Variants in ALKBH3 observed in about 807,000 individuals in gnomAD.
ALKBH3 encodes alpha-ketoglutarate-dependent dioxygenase alkB homolog 3.
In ALKBH3, 51 loss-of-function variants were observed where a neutral mutation model predicts 43.9. That is an observed-to-expected ratio of 1.16 (90% CI 0.93 to 1.47). The LOEUF (loss-of-function observed/expected upper bound fraction) is 1.47, where lower values mean the gene tolerates loss of function less well. ALKBH3 is among the 40% of genes most tolerant of loss of function. The probability of loss-of-function intolerance (pLI) is 0.00; values close to 1 mark genes in which losing one functional copy is unlikely to be tolerated. For synonymous variants in ALKBH3, 102 were observed against 115.2 expected (o/e 0.89, Z 0.73); for missense variants, 361 against 351.9 (o/e 1.03, Z -0.21).
chr11:43,903,572 G>A (rs944869464), intron 8 of ALKBH3, among the ~76,000 whole-genome samples: 5 of 152,062 alleles, frequency 3.3e-5, no homozygotes, highest in South Asian at 2.1e-4. Flanking sequence ...CTAGCACTGC[G>A]CCTTCCTCCT....
intron 5 of ALKBH3, among the ~76,000 whole-genome samples, chr11:43,888,824 A>G (rs1234976467): frequency 3.3e-5 from 5 of 152,250 alleles, no homozygotes; most frequent in African/African-American, 9.6e-5. Flanking sequence ...TTCAGAAGGT[A>G]TCTTAAGAAA....
intron 8 of ALKBH3, among the ~76,000 whole-genome samples, chr11:43,907,544 A>G (rs139858808): frequency 1.1e-3 from 162 of 152,270 alleles, no homozygotes; most frequent in African/African-American, 3.9e-3. Flanking sequence ...ACTTTGCCCC[A>G]GTGGTAGAGG....
intron 9 of ALKBH3, 47 bp from the exon 10 acceptor site, chr11:43,919,871 G>T: frequency 6.6e-7 from 1 of 1,519,756 alleles, no homozygotes; most frequent in Non-Finnish European, 9.1e-7. Context: ...TGAACTAAAA[G>T]TGTGTATGTG....
chr11:43,914,110 A>G (rs1361642051), intron 8 of ALKBH3, among the ~76,000 whole-genome samples: 1 of 152,196 alleles, frequency 6.6e-6, no homozygotes, highest in Non-Finnish European at 1.5e-5. Flanking sequence ...CCCCTACAGT[A>G]TAGTCAGGGT....
At position 43,920,099 on chromosome 11, in the gene ALKBH3, A is replaced by G. The variant is rs1952015165; in HGVS notation, c.*89A>G. 3.3e-6 allele frequency: 4 copies of G among 1,227,222 alleles called. No individual in the cohort carries two copies. Among genetic ancestry groups the G allele is most frequent in the Non-Finnish European group, 4.7e-6 (4 of 848,714 alleles). 76.0% of individuals were successfully genotyped at this position (1,227,222 alleles called of 1,614,324 possible). A position where few individuals can be genotyped will look rare whatever the true frequency, so the allele number is the denominator to read the frequency against. Reference sequence around the variant, plus strand: ...CAAGAGGCTGGTGCTGCTAGATCTCATGATGTGGCTGTTGGGAAGATGGTG... The same window carrying G: ...CAAGAGGCTGGTGCTGCTAGATCTCGTGATGTGGCTGTTGGGAAGATGGTG... On this transcript the variant is annotated 3_prime_UTR_variant, in exon 10 of 10. Coordinates refer to ENST00000302708, the MANE Select transcript of ALKBH3 (RefSeq NM_139178.4).
At chr11:43,892,749 A>G (rs568684808) in intron 7 of ALKBH3, among the ~76,000 whole-genome samples, 1 of 152,364 alleles carries the variant, frequency 6.6e-6, no homozygotes, top group African/African-American at 2.4e-5. Flanking sequence ...GCCTTTGGCA[A>G]ATAATGTTAT....
chr11:43,895,133 G>A (rs553216413), intron 7 of ALKBH3, among the ~76,000 whole-genome samples: 33 of 152,266 alleles, frequency 2.2e-4, no homozygotes, highest in African/African-American at 7.9e-4. Flanking sequence ...TGACAACCAT[G>A]GGATATACTT....
intron 8 of ALKBH3, among the ~76,000 whole-genome samples, chr11:43,913,324 T>C (rs1951956315): frequency 6.6e-6 from 1 of 152,142 alleles, no homozygotes; most frequent in Non-Finnish European, 1.5e-5. Flanking sequence ...ACCCGATAGG[T>C]AGTTTTTCCG....
intron 8 of ALKBH3, among the ~76,000 whole-genome samples, chr11:43,901,941 T>C (rs1951866784): frequency 2.0e-5 from 3 of 152,226 alleles, no homozygotes; most frequent in Admixed American, 1.3e-4. Flanking sequence ...TGCCTTATGC[T>C]AGGTGCTGGC....
At chr11:43,912,123 AAAAC>A (rs879709428) in intron 8 of ALKBH3, 18 of 146,536 alleles carry the variant, frequency 1.2e-4, no homozygotes, top group Middle Eastern at 3.5e-3. Flanking sequence ...ACTCCTTCTC[AAAAC>A]AAACAAACAA....
In ALKBH3 at chr11:43,901,735, CTCTT is replaced by C. The variant is rs1264434156; in HGVS notation, c.669+12_669+15del. The C allele has an allele frequency of 3.7e-6, 6 of 1,613,554 alleles. No homozygotes were observed. The highest frequency in any genetic ancestry group is 1.3e-5 in the African/African-American group (1 of 74,948). On this transcript the variant is annotated intron_variant, in intron 8 of 9. Coordinates refer to ENST00000302708, the MANE Select transcript of ALKBH3 (RefSeq NM_139178.4). ...AAAGAAGCCACCACCAGTGAGTATTCTCTTTTTCTTATGCTCTTCCTGCCTCTTA... is the reference window on the plus strand; with the variant it reads ...AAAGAAGCCACCACCAGTGAGTATTCTTTCTTATGCTCTTCCTGCCTCTTA...
intron 7 of ALKBH3, chr11:43,899,420 A>T (rs1474155227): frequency 1.4e-6 from 1 of 709,648 alleles, no homozygotes; most frequent in African/African-American, 1.8e-5. Flanking sequence ...CTGTAAAGTG[A>T]TGTACTACGC....
intron 5 of ALKBH3, 138 bp downstream of exon 5, chr11:43,886,791 A>G (rs1337309343): frequency 5.7e-6 from 5 of 875,662 alleles, no homozygotes; most frequent in African/African-American, 1.7e-5. Flanking sequence ...GAATGAAAGC[A>G]TGTCCTTTGC....
intron 1 of ALKBH3, among the ~76,000 whole-genome samples, chr11:43,881,727 A>G (rs1022404435): frequency 1.3e-5 from 2 of 152,354 alleles, no homozygotes; most frequent in South Asian, 4.1e-4. Context: ...CTGGGAATCT[A>G]TAGTCTAAGC....
chr11:43,907,116 G>A (rs1013981910), intron 8 of ALKBH3, among the ~76,000 whole-genome samples: 4 of 152,112 alleles, frequency 2.6e-5, no homozygotes, highest in African/African-American at 2.4e-5. Flanking sequence ...AGGGTAAGGT[G>A]GCCTGTGGAT....
intron 7 of ALKBH3, among the ~76,000 whole-genome samples, chr11:43,896,584 C>T (rs2135187154): frequency 6.6e-6 from 1 of 152,268 alleles, no homozygotes; most frequent in Non-Finnish European, 1.5e-5. Flanking sequence ...TTCCCTAGCC[C>T]ACTGACTCAA....
chr11:43,885,619 C>T (rs1336425498), intron 4 of ALKBH3, among the ~76,000 whole-genome samples: 3 of 152,180 alleles, frequency 2.0e-5, no homozygotes, highest in Non-Finnish European at 4.4e-5. Context: ...TCATTATGGG[C>T]CTCACCACCT....
At chr11:43,886,229 G>A (rs1951745610) in intron 4 of ALKBH3, among the ~76,000 whole-genome samples, 1 of 152,188 alleles carries the variant, frequency 6.6e-6, no homozygotes, top group Admixed American at 6.5e-5. Flanking sequence ...AGAGCCCTGA[G>A]ATGTGCTTGC....
chr11:43,897,674 A>C, intron 7 of ALKBH3: 3 of 847,028 alleles, frequency 3.5e-6, no homozygotes, highest in Non-Finnish European at 6.3e-6. Context: ...AGAAGATTGC[A>C]GGAGTTGATT....
Sources: allele counts gnomAD v4.1 joint callset (sites outside exome capture counted in the v4.1 genomes callset), GRCh38; gene constraint gnomAD v4.1.1; transcripts MANE v1.5; gene names NCBI Gene and HGNC (gene_info 2026-07-23, HGNC 2026-07-21).